Variants in CRIM1 observed in about 807,000 individuals in gnomAD.
The protein encoded by CRIM1 is cysteine-rich motor neuron 1 protein.
CRIM1 carries 32 observed loss-of-function variants against 116.4 expected under a neutral mutation model. That is an observed-to-expected ratio of 0.27 (90% CI 0.21 to 0.37). The LOEUF is 0.37. CRIM1 is among the 10% of genes least tolerant of loss of function. The pLI is 1.00. For synonymous variants in CRIM1, 590 were observed against 509.2 expected, an observed-to-expected ratio of 1.16 and a Z score of -2.13; for missense variants, 1,331 against 1,354.8, an observed-to-expected ratio of 0.98 and a Z score of 0.28.
intron 1 of CRIM1, among the ~76,000 whole-genome samples, chr2:36,382,734 G>C (rs1048965884): frequency 1.3e-5 from 2 of 152,212 alleles, no homozygotes; most frequent in African/African-American, 4.8e-5. Flanking sequence ...GCATCTTCTG[G>C]TCTGCCTTGA....
intron 7 of CRIM1, among the ~76,000 whole-genome samples, chr2:36,490,743 C>T (rs1480137951): frequency 6.6e-6 from 1 of 152,080 alleles, no homozygotes; most frequent in African/African-American, 2.4e-5. Context: ...CATTACTCAA[C>T]CCAAGAGCCC....
intron 8 of CRIM1, among the ~76,000 whole-genome samples, chr2:36,509,536 A>G (rs1265648483): frequency 1.3e-5 from 2 of 152,214 alleles, no homozygotes; most frequent in Non-Finnish European, 2.9e-5. Flanking sequence ...CTCCAACAAA[A>G]GAAAAAAGGA....
At chr2:36,542,928 G>A (rs1412889607) in intron 14 of CRIM1, among the ~76,000 whole-genome samples, 1 of 152,112 alleles carries the variant, frequency 6.6e-6, no homozygotes, top group African/African-American at 2.4e-5. Flanking sequence ...GGGTAATTCT[G>A]ATATGATTTT....
At chr2:36,458,348 G>A (rs1194752830) in intron 4 of CRIM1, among the ~76,000 whole-genome samples, 3 of 152,128 alleles carry the variant, frequency 2.0e-5, no homozygotes, top group Non-Finnish European at 4.4e-5. Context: ...AAGGGCTGTG[G>A]GAGGGGCAAA....
rs113549769 is a variant in CRIM1 at position 36,356,628 on chromosome 2, G to C, written c.331+5G>C. The C allele has an allele frequency of 3.7e-6, 6 of 1,602,680 alleles. No homozygotes were observed. The highest frequency in any genetic ancestry group is 2.2e-5 in the South Asian group (2 of 90,338). On this transcript the variant is annotated splice_donor_5th_base_variant and intron_variant, in intron 1 of 16. Coordinates refer to ENST00000280527, the MANE Select transcript of CRIM1 (RefSeq NM_016441.3). This position sits in a 1 kb window ranked among gnomAD's most constrained non-coding sequence, Gnocchi z 4.3. ...ACGAAGCGGGCGTTTGCGAAGGTACGGCCGCCCGCTGCGGGCCCCCTCCCA... is the reference window on the plus strand; with the variant it reads ...ACGAAGCGGGCGTTTGCGAAGGTACCGCCGCCCGCTGCGGGCCCCCTCCCA...
chr2:36,436,206 A>G (rs1012147747), intron 2 of CRIM1, among the ~76,000 whole-genome samples: 3 of 152,156 alleles, frequency 2.0e-5, no homozygotes. Context: ...CTGAAAAAAA[A>G]GGTTTCAGAA....
intron 14 of CRIM1, 108 bp downstream of exon 14, chr2:36,537,654 T>A: frequency 8.0e-7 from 1 of 1,252,788 alleles, no homozygotes; most frequent in Non-Finnish European, 1.1e-6. Flanking sequence ...ACGGCCCAAG[T>A]AGCGTGTCAG....
intron 16 of CRIM1, among the ~76,000 whole-genome samples, chr2:36,547,432 A>G (rs1667431485): frequency 6.6e-6 from 1 of 152,190 alleles, no homozygotes; most frequent in African/African-American, 2.4e-5. Context: ...ATGTACTCTG[A>G]AGTTTTCAAA....
At chr2:36,408,284 G>A (rs1193402036) in intron 2 of CRIM1, among the ~76,000 whole-genome samples, 1 of 152,206 alleles carries the variant, frequency 6.6e-6, no homozygotes, top group East Asian at 1.9e-4. Context: ...AGGGTGACAT[G>A]TTCACTGCTG....
chr2:36,502,518 T>G (rs769783959), intron 8 of CRIM1, among the ~76,000 whole-genome samples: 14 of 151,952 alleles, frequency 9.2e-5, no homozygotes, highest in East Asian at 1.9e-4. Context: ...TAGCTGGCCT[T>G]CCTTCCTTCC....
Position 36,413,705 on chromosome 2 carries a change from C to T in CRIM1, c.505+16918C>T, listed in dbSNP as rs188061644. 1.9e-3 allele frequency among the ~76,000 whole-genome samples: 293 copies of T among 152,264 alleles called. 3 individuals are homozygous for T. Among genetic ancestry groups the T allele is most frequent in the Non-Finnish European group, 5.7e-4 (39 of 68,008 alleles). On this transcript the variant is annotated intron_variant, in intron 2 of 16. Transcript: ENST00000280527. The stretch of plus-strand genomic sequence containing the variant: ...ATTTTGAGCTCATTGGCTTAGTCAC[C>T]GTGTTCCAATTCTTTCATCTTTGCA...
intron 12 of CRIM1, among the ~76,000 whole-genome samples, chr2:36,518,847 A>C (rs755003458): frequency 2.0e-5 from 3 of 152,188 alleles, no homozygotes; most frequent in Non-Finnish European, 4.4e-5. Context: ...CCTTGGTGAT[A>C]ATGAATTTAT....
intron 1 of CRIM1, among the ~76,000 whole-genome samples, chr2:36,382,982 A>G (rs1450485814): frequency 6.6e-6 from 1 of 152,242 alleles, no homozygotes; most frequent in Non-Finnish European, 1.5e-5. Flanking sequence ...TGAAAGGTGT[A>G]TTGAACCTAA....
intron 14 of CRIM1, among the ~76,000 whole-genome samples, chr2:36,541,453 A>G (rs1393935245): frequency 6.6e-6 from 1 of 152,174 alleles, no homozygotes; most frequent in African/African-American, 2.4e-5. Flanking sequence ...AGGCTCAGGA[A>G]AGGTAAGAGG....
At position 36,491,339 on chromosome 2, in the gene CRIM1, A is replaced by G. The variant is rs191119281; in HGVS notation, c.1373-7880A>G. On this transcript the variant is annotated intron_variant, in intron 7 of 16. Transcript: ENST00000280527. The stretch of plus-strand genomic sequence containing the variant: ...GGACGGCTTGGATTTGGGGATTTGC[A>G]CTCCATTTTCACCATTATTAAGTGT... Among the ~76,000 whole-genome samples, 449 of 152,086 alleles carry G rather than the reference A, an allele frequency of 3.0e-3. 2 individuals are homozygous for G. Among genetic ancestry groups the G allele is most frequent in the Non-Finnish European group, 5.2e-3 (354 of 67,986 alleles).
rs530505423 is a variant in CRIM1 at position 36,368,833 on chromosome 2, C to T, written c.331+12210C>T. 3.3e-5 allele frequency among the ~76,000 whole-genome samples: 5 copies of T among 152,214 alleles called. No individual in the cohort carries two copies. In the East Asian group the frequency reaches 7.7e-4, roughly 24 times the overall value. ...TCTGTAATACTTTTTGCTTTTTGCT[C>T]CAGAAAATTTTTTTTCACTCCAATC... On this transcript the variant is annotated intron_variant, in intron 1 of 16. Coordinates refer to ENST00000280527, the MANE Select transcript of CRIM1 (RefSeq NM_016441.3).
At chr2:36,514,667 G>A (rs1037611501) in intron 11 of CRIM1, among the ~76,000 whole-genome samples, 3 of 152,144 alleles carry the variant, frequency 2.0e-5, no homozygotes, top group Non-Finnish European at 4.4e-5. Context: ...TTTTTCCTCT[G>A]GTCAGTCCAG....
chr2:36,415,535 A>G (rs1381572348), intron 2 of CRIM1, among the ~76,000 whole-genome samples: 3 of 152,256 alleles, frequency 2.0e-5, no homozygotes, highest in African/African-American at 7.2e-5. Context: ...CCCATATCCC[A>G]ATTTGTTTGG....
At chr2:36,430,891 C>T (rs1444539386) in intron 2 of CRIM1, among the ~76,000 whole-genome samples, 1 of 152,160 alleles carries the variant, frequency 6.6e-6, no homozygotes, top group Non-Finnish European at 1.5e-5. Flanking sequence ...AAACAGGGCC[C>T]ATCCACACAT....
Sources: gnomAD v4.1 joint callset for allele counts (sites outside exome capture counted in the v4.1 genomes callset) on GRCh38, gnomAD v4.1.1 for gene constraint, Gnocchi (gnomAD v3.1) non-coding constraint, MANE v1.5 for transcripts, NCBI Gene and HGNC (gene_info 2026-07-23, HGNC 2026-07-21) for gene names.